DMXL2: variants seen among roughly 807,000 people sequenced by gnomAD.
DMXL2 encodes Dmx like 2.
DMXL2 carries 103 observed loss-of-function variants against 331.1 expected under a neutral mutation model. The ratio of observed to expected loss-of-function variants is 0.31; its 90% confidence interval spans 0.27 to 0.37. The LOEUF is 0.37. Among genes scored for constraint, DMXL2 ranks in the 10% least tolerant of loss-of-function variants. The probability of loss-of-function intolerance (pLI) is 1.00; values close to 1 mark genes in which losing one functional copy is unlikely to be tolerated. For synonymous variants in DMXL2, 1,281 were observed against 1,252.1 expected, an observed-to-expected ratio of 1.02 and a Z score of -0.49; for missense variants, 3,171 against 3,642.9, an observed-to-expected ratio of 0.87 and a Z score of 3.33.
chr15:51,537,816 G>A (rs59434644), intron 10 of DMXL2, 57 bp from the exon 11 acceptor site: 1 of 1,491,392 alleles, frequency 6.7e-7, no homozygotes, highest in Non-Finnish European at 9.0e-7. Context: ...TTACATACTA[G>A]ACTATAAATA....
Position 51,529,884 on chromosome 15 carries a change from A to G in DMXL2, c.2436+5779T>C, listed in dbSNP as rs1381671667. 5.3e-5 allele frequency among the ~76,000 whole-genome samples: 8 copies of G among 152,346 alleles called. No individual in the cohort carries two copies. In the South Asian group the frequency reaches 8.3e-4, roughly 16 times the overall value. On this transcript the variant is annotated intron_variant, in intron 13 of 43. Coordinates refer to ENST00000560891, the MANE Select transcript of DMXL2 (RefSeq NM_001378457.1). ...AAAACACTACCAAGTAAATTCAACAATATGATTAAAATGATTAAAAGATCA... is the reference window on the plus strand; with the variant it reads ...AAAACACTACCAAGTAAATTCAACAGTATGATTAAAATGATTAAAAGATCA...
At chr15:51,612,755 A>G (rs1369351800) in intron 1 of DMXL2, among the ~76,000 whole-genome samples, 1 of 152,178 alleles carries the variant, frequency 6.6e-6, no homozygotes, top group African/African-American at 2.4e-5. Flanking sequence ...TTATCAGGAG[A>G]CAGGGTTTGA....
At chr15:51,470,829 C>G (rs1415254262) in intron 29 of DMXL2, among the ~76,000 whole-genome samples, 6 of 152,160 alleles carry the variant, frequency 3.9e-5, no homozygotes, top group East Asian at 1.9e-4. Context: ...GGGGCCTCAT[C>G]ATGGCCTGAT....
Position 51,499,740 on chromosome 15 carries a change from T to C in DMXL2, c.3484A>G (p.Ile1162Val). 6.2e-7 allele frequency: 1 copy of C among 1,614,148 alleles called. No individual in the cohort carries two copies. The highest frequency in any genetic ancestry group is 1.3e-5 in the African/African-American group (1 of 75,058). The change falls in exon 18 of 44, where the codon ATT becomes GTT. Residue 1162 changes from isoleucine to valine, a missense_variant. By Grantham distance (29) the Ile-to-Val change is conservative (BLOSUM62 3). Transcript: ENST00000560891. ...TGTACTAAATGTTTGATATTCGGAA[T>C]AAGATATCTATCCTTGCTCAAGAGT... ...DALLSKDRYL[I>V]PNIKHLVHLD...
intron 13 of DMXL2, among the ~76,000 whole-genome samples, chr15:51,528,608 G>A (rs939447651): frequency 2.6e-5 from 4 of 151,992 alleles, no homozygotes; most frequent in African/African-American, 9.7e-5. Context: ...CCAACACTGG[G>A]GCACCCAGAT....
chr15:51,530,208 G>T (rs1468193589), intron 13 of DMXL2, among the ~76,000 whole-genome samples: 1 of 152,044 alleles, frequency 6.6e-6, no homozygotes, highest in Admixed American at 6.6e-5. Flanking sequence ...GTTATTCAAC[G>T]TAGTACGGAA....
chr15:51,597,499 C>G (rs2080185882), intron 1 of DMXL2, among the ~76,000 whole-genome samples: 1 of 152,086 alleles, frequency 6.6e-6, no homozygotes, highest in African/African-American at 2.4e-5. Flanking sequence ...AACTGTGATT[C>G]ACTCACTTTC....
At chr15:51,617,642 T>C (rs576861071) in intron 1 of DMXL2, among the ~76,000 whole-genome samples, 1 of 152,366 alleles carries the variant, frequency 6.6e-6, no homozygotes, top group South Asian at 2.1e-4. Context: ...ATTTTCTCTT[T>C]TGACCCCTGA....
In DMXL2 at chr15:51,537,555, C is replaced by A; in HGVS notation, c.1550G>T (p.Gly517Val). The part of the protein sequence containing the change: ...DMLFTIHPVD[G>V]TFLVWHVKYL... ...CTTCACATGCCACACTAGAAAGGTA[C>A]CATCTACAGGGTGTATTGTAAAAAG... The change falls in exon 11 of 44, where the codon GGT (glycine) becomes GTT (valine). Residue 517 changes from glycine to valine, a missense_variant. Physicochemically the swap from Gly to Val is moderately radical, Grantham distance 109. Around this residue, in one of 7 missense-constraint regions of DMXL2, gnomAD observed 1,674 missense variants for 1,780.2 expected, o/e 0.94. Transcript: ENST00000560891. 1 of 1,613,738 alleles carries A rather than the reference C, an allele frequency of 6.2e-7. No homozygotes were observed. The highest frequency in any genetic ancestry group is 8.5e-7 in the Non-Finnish European group (1 of 1,179,802).
intron 6 of DMXL2, among the ~76,000 whole-genome samples, chr15:51,562,163 A>T (rs2050012243): frequency 6.6e-6 from 1 of 152,200 alleles, no homozygotes. Context: ...GGTGATGGAT[A>T]TCCTAAATAC....
At position 51,471,467 on chromosome 15, in the gene DMXL2, G is replaced by A. The variant is rs934503064; in HGVS notation, c.7214-66C>T. ...TTCCATTGTTAATTGATAGAGTTAAGCTTTCTTTTTATCCTACTCTTGCCA... is the reference window on the plus strand; with the variant it reads ...TTCCATTGTTAATTGATAGAGTTAAACTTTCTTTTTATCCTACTCTTGCCA... On this transcript the variant is annotated intron_variant, in intron 28 of 43. Coordinates refer to ENST00000560891, the MANE Select transcript of DMXL2 (RefSeq NM_001378457.1). The A allele has an allele frequency of 1.5e-5, 21 of 1,440,070 alleles. No individual in the cohort carries two copies. In the Admixed American group the frequency reaches 4.1e-4, roughly 28 times the overall value. 89.2% of individuals were successfully genotyped at this position (1,440,070 alleles called of 1,614,324 possible).
intron 1 of DMXL2, among the ~76,000 whole-genome samples, chr15:51,617,507 G>A (rs1260625416): frequency 6.6e-6 from 1 of 152,160 alleles, no homozygotes; most frequent in African/African-American, 2.4e-5. Flanking sequence ...CCGACTGTGA[G>A]GTCTGATCAA....
chr15:51,567,566 A>G (rs1361357204), intron 3 of DMXL2: 1 of 152,242 alleles, frequency 6.6e-6, no homozygotes, highest in Non-Finnish European at 1.5e-5. Flanking sequence ...TATGGGAGCT[A>G]TCCTTGGAGA....
rs1567057371 is a variant in DMXL2, at chr15:51,517,180, A to G, written c.2437-13T>C. 1 of 1,601,256 alleles carries G rather than the reference A, an allele frequency of 6.2e-7. No individual in the cohort carries two copies. The highest frequency in any genetic ancestry group is 8.6e-7 in the Non-Finnish European group (1 of 1,168,350). The stretch of plus-strand genomic sequence containing the variant: ...CTCCAATAAGTTTCTGTAAATAAAA[A>G]ACACAAAATGTTAATGGCCAACAAA... On this transcript the variant is annotated splice_polypyrimidine_tract_variant and intron_variant, in intron 13 of 43. Transcript: ENST00000560891.
chr15:51,564,336 A>C, intron 4 of DMXL2, 76 bp from the exon 5 acceptor site: 1 of 1,129,796 alleles, frequency 8.9e-7, no homozygotes, highest in East Asian at 3.0e-5. Context: ...TTCTGTTTAG[A>C]TCTGTAAACT....
chr15:51,566,675 A>T (rs2050310948), intron 3 of DMXL2, among the ~76,000 whole-genome samples: 1 of 152,234 alleles, frequency 6.6e-6, no homozygotes, highest in Non-Finnish European at 1.5e-5. Flanking sequence ...AAAAAGATAT[A>T]TTCAAATACA....
chr15:51,571,964 T>C (rs2050696900), intron 2 of DMXL2, among the ~76,000 whole-genome samples: 1 of 151,964 alleles, frequency 6.6e-6, no homozygotes, highest in South Asian at 2.1e-4. Context: ...GATGGAAACA[T>C]GAAAAACTCT....
intron 2 of DMXL2, among the ~76,000 whole-genome samples, chr15:51,574,922 G>A (rs1262571249): frequency 6.6e-6 from 1 of 152,026 alleles, no homozygotes; most frequent in Non-Finnish European, 1.5e-5. Flanking sequence ...ACAACTTTAG[G>A]CAGGCTTAAG....
chr15:51,583,121 C>CTTTTTTTTTTTTT (rs1171970352), intron 1 of DMXL2, among the ~76,000 whole-genome samples: 3 of 34,874 alleles, frequency 8.6e-5, no homozygotes, highest in Non-Finnish European at 2.0e-4. Context: ...TTTTTTTTTT[C>CTTTTTTTTTTTTT]TTTTTTTTTT....
Sources: gnomAD v4.1 joint callset for allele counts (sites outside exome capture counted in the v4.1 genomes callset) on GRCh38, gnomAD v4.1.1 for gene constraint, gnomAD v4.1.1 regional missense constraint, MANE v1.5 for transcripts, NCBI Gene and HGNC (gene_info 2026-07-23, HGNC 2026-07-21) for gene names.